SENP7: variants seen among roughly 807,000 people sequenced by gnomAD.
SENP7 encodes the protein sentrin-specific protease 7.
SENP7 carries 64 observed loss-of-function variants against 141.2 expected under a neutral mutation model. The observed-to-expected ratio is 0.45, with a 90% CI of 0.37 to 0.56. SENP7 has a LOEUF of 0.56. Ranked by LOEUF, SENP7 falls within the 20% of genes least tolerant of loss-of-function variation. The pLI is 0.00. For synonymous variants in SENP7, 382 were observed against 426.4 expected (o/e 0.90, Z 1.28); for missense variants, 1,025 against 1,212.2 (o/e 0.85, Z 2.29).
At chr3:101,409,085 T>C (rs2061383943) in intron 5 of SENP7, among the ~76,000 whole-genome samples, 1 of 152,196 alleles carries the variant, frequency 6.6e-6, no homozygotes, top group South Asian at 2.1e-4. Flanking sequence ...CGGTAAAGTT[T>C]CTGGATACAA....
chr3:101,456,703 T>C (rs182849237), intron 4 of SENP7, among the ~76,000 whole-genome samples: 36 of 152,338 alleles, frequency 2.4e-4, no homozygotes, highest in Admixed American at 2.2e-3. Flanking sequence ...AATTATTGAT[T>C]GTTATCCCAA....
intron 19 of SENP7, among the ~76,000 whole-genome samples, chr3:101,331,600 G>C (rs1244592713): frequency 2.0e-5 from 3 of 150,496 alleles, no homozygotes; most frequent in African/African-American, 7.4e-5. Flanking sequence ...TAAAATTTAG[G>C]GTAGTGGTTA....
At chr3:101,500,143 G>A (rs180995511) in intron 2 of SENP7, among the ~76,000 whole-genome samples, 11 of 152,216 alleles carry the variant, frequency 7.2e-5, no homozygotes, top group East Asian at 1.9e-4. Context: ...ACATGAAGAC[G>A]TATCATATTA....
At chr3:101,384,678 G>A (rs1484045877) in intron 6 of SENP7, among the ~76,000 whole-genome samples, 1 of 152,214 alleles carries the variant, frequency 6.6e-6, no homozygotes, top group Admixed American at 6.5e-5. Flanking sequence ...CACCTGGCTC[G>A]CCGTTGGCAG....
intron 3 of SENP7, among the ~76,000 whole-genome samples, chr3:101,464,250 A>G (rs1440683436): frequency 1.3e-5 from 2 of 152,214 alleles, no homozygotes; most frequent in African/African-American, 4.8e-5. Context: ...CAATTTGAGA[A>G]CTACAAAGTA....
chr3:101,352,677 TTTG>T (rs748041928), intron 11 of SENP7, among the ~76,000 whole-genome samples: 17 of 152,110 alleles, frequency 1.1e-4, no homozygotes, highest in Non-Finnish European at 1.6e-4. Context: ...TTGGTTAAGT[TTTG>T]TTGTTGTTGT....
intron 4 of SENP7, among the ~76,000 whole-genome samples, chr3:101,445,042 A>G (rs1449054773): frequency 6.6e-6 from 1 of 152,184 alleles, no homozygotes; most frequent in Non-Finnish European, 1.5e-5. Context: ...CATTATGCTC[A>G]AACTGTCAAA....
At chr3:101,409,632 ATACT>A (rs2061399122) in intron 5 of SENP7, among the ~76,000 whole-genome samples, 1 of 152,198 alleles carries the variant, frequency 6.6e-6, no homozygotes, top group African/African-American at 2.4e-5. Context: ...ATAAACCCAA[ATACT>A]TACAGCCAAG....
chr3:101,344,963 GA>G (rs1259901825), intron 13 of SENP7, among the ~76,000 whole-genome samples: 2 of 111,044 alleles, frequency 1.8e-5, no homozygotes, highest in Admixed American at 1.3e-4. Flanking sequence ...GGAACATATC[GA>G]GAGCCCATCT....
rs36081020 is a variant in SENP7 at position 101,401,096 on chromosome 3, CAA to C, written c.483-2043_483-2042del. On this transcript the variant is annotated intron_variant, in intron 5 of 23. Transcript: ENST00000394095. The stretch of plus-strand genomic sequence containing the variant: ...TGGGAAAGAGAGCAAGTCCTTGTCT[CAA>C]AAAAAAAAAAAAAGAACTAAAAATT... 3.4e-3 allele frequency among the ~76,000 whole-genome samples: 446 copies of C among 130,234 alleles called. 1 individual carries two copies. Among genetic ancestry groups the C allele is most frequent in the Non-Finnish European group, 4.4e-3 (271 of 61,408 alleles). 85.4% of individuals were successfully genotyped at this position (130,234 alleles called of 152,430 possible).
chr3:101,482,275 TGCACTCCAGCCTGGGCGACAGAGC>T (rs1231815421), intron 3 of SENP7, among the ~76,000 whole-genome samples: 1 of 148,894 alleles, frequency 6.7e-6, no homozygotes, highest in Non-Finnish European at 1.5e-5. Context: ...ATTGCACCAC[TGCACTCCAGCCTGGGCGACAGAGC>T]GAGACTCTGT....
In SENP7 at chr3:101,325,925, C is replaced by G. The variant is rs2058887718; in HGVS notation, c.*18G>C. On this transcript the variant is annotated 3_prime_UTR_variant, in exon 24 of 24. Coordinates refer to ENST00000394095, the MANE Select transcript of SENP7 (RefSeq NM_020654.5). ...CAGTAATCTTAGAGAACATCTGTGT[C>G]ATGTTTGTACAGATTAACTAGCTAC... 5 of 1,569,354 alleles carry G rather than the reference C, an allele frequency of 3.2e-6. No individual in the cohort carries two copies. The highest frequency in any genetic ancestry group is 4.3e-6 in the Non-Finnish European group (5 of 1,159,644).
In SENP7 at chr3:101,509,655, A is replaced by G. The variant is rs184682391; in HGVS notation, c.40+3436T>C. On this transcript the variant is annotated intron_variant, in intron 1 of 23. Transcript: ENST00000394095. ...GCAGCTTTATCATAACTAATCGTTA[A>G]GTTCTCATCTTGAGCTTCAATTATC... 1.1e-4 allele frequency among the ~76,000 whole-genome samples: 17 copies of G among 152,364 alleles called. No homozygotes were observed. In the East Asian group the frequency reaches 3.3e-3, roughly 29 times the overall value.
At chr3:101,510,872 A>T (rs1263638647) in intron 1 of SENP7, among the ~76,000 whole-genome samples, 5 of 144,538 alleles carry the variant, frequency 3.5e-5, no homozygotes, top group Non-Finnish European at 7.6e-5. Flanking sequence ...AAGTCACTTC[A>T]TTTGGGTTCC....
At chr3:101,341,292 G>C (rs936709495) in intron 15 of SENP7, among the ~76,000 whole-genome samples, 1 of 152,160 alleles carries the variant, frequency 6.6e-6, no homozygotes, top group African/African-American at 2.4e-5. Context: ...TTAAATTGAA[G>C]CATATTTCAG....
rs1466475232 is a variant in SENP7 at position 101,417,708 on chromosome 3, T to C, written c.367A>G (p.Asn123Asp). Residue 123 changes from asparagine (N) to aspartate (D), a missense_variant, in exon 5 of 24, where the codon AAT (asparagine) becomes GAT (aspartate). By Grantham distance (23) the Asn-to-Asp change is conservative. Coordinates refer to ENST00000394095, the MANE Select transcript of SENP7 (RefSeq NM_020654.5). ...FRKTLPRNDA[N>D]LCDANKVQSD... ...TGCACCTTGTTGGCATCACATAAAT[T>C]AGCATCGTTTCTAGGTAGGGTCTTT... 2 of 1,613,962 alleles carry C rather than the reference T, an allele frequency of 1.2e-6. No homozygotes were observed. Among genetic ancestry groups the C allele is most frequent in the Non-Finnish European group, 1.7e-6 (2 of 1,179,824 alleles).
In SENP7 at chr3:101,351,657, G is replaced by GA; in HGVS notation, c.1624-7dup. On this transcript the variant is annotated splice_polypyrimidine_tract_variant and splice_region_variant and intron_variant, in intron 11 of 23. Transcript: ENST00000394095. ...TTAATATATTTTTTTGTGATCTGAA[G>GA]AAAAAATTAAAAAGCAAACAATGAG... 1 of 1,341,120 alleles carries GA rather than the reference G, an allele frequency of 7.5e-7. No individual in the cohort carries two copies. The highest frequency in any genetic ancestry group is 9.7e-7 in the Non-Finnish European group (1 of 1,027,428). The allele number at this position is 1,341,120 out of a possible 1,614,324, so 83.1% of individuals were successfully genotyped here. A position where few individuals can be genotyped will look rare whatever the true frequency, so the allele number is the denominator to read the frequency against.
intron 3 of SENP7, among the ~76,000 whole-genome samples, chr3:101,481,845 C>T (rs999806488): frequency 6.6e-6 from 1 of 151,932 alleles, no homozygotes; most frequent in Non-Finnish European, 1.5e-5. Flanking sequence ...ACGTAACTGT[C>T]GATGTGGAAA....
At chr3:101,511,251 C>T (rs150738439) in intron 1 of SENP7, among the ~76,000 whole-genome samples, 13 of 152,316 alleles carry the variant, frequency 8.5e-5, no homozygotes, top group Non-Finnish European at 1.8e-4. Context: ...CAACTACTTA[C>T]ATCAAGTTAC....
Sources: gnomAD v4.1 joint callset for allele counts (sites outside exome capture counted in the v4.1 genomes callset) on GRCh38, gnomAD v4.1.1 for gene constraint, MANE v1.5 for transcripts, NCBI Gene and HGNC (gene_info 2026-07-23, HGNC 2026-07-21) for gene names.